The following ZBTB20 variants were observed in gnomAD, a reference collection of about 807,000 sequenced individuals.
ZBTB20 encodes zinc finger and BTB domain containing 20.
ZBTB20 carries 9 observed loss-of-function variants against 56.9 expected under a neutral mutation model. That is an observed-to-expected ratio of 0.16 (90% CI 0.10 to 0.28). The LOEUF (loss-of-function observed/expected upper bound fraction) is 0.28. Among genes scored for constraint, ZBTB20 ranks in the 10% least tolerant of loss-of-function variants. The pLI, the probability that ZBTB20 is intolerant of heterozygous loss-of-function variation, is 1.00. For missense variants in ZBTB20, 655 were observed against 1,003.0 expected (o/e 0.65, Z 4.69); for synonymous variants, 417 against 420.7 (o/e 0.99, Z 0.11).
intron 2 of ZBTB20, among the ~76,000 whole-genome samples, chr3:114,992,202 A>C (rs551172320): frequency 6.6e-6 from 1 of 152,134 alleles, no homozygotes; most frequent in Admixed American, 6.6e-5. Flanking sequence ...ACATATGATT[A>C]TTGATGTGAA....
intron 6 of ZBTB20, among the ~76,000 whole-genome samples, chr3:114,598,754 C>T (rs748605855): frequency 2.6e-5 from 4 of 151,812 alleles, no homozygotes; most frequent in Non-Finnish European, 4.4e-5. Flanking sequence ...TATTTCAAAA[C>T]GGAAGCATCT....
chr3:115,036,745 C>A (rs1391048591), intron 2 of ZBTB20, among the ~76,000 whole-genome samples: 5 of 152,020 alleles, frequency 3.3e-5, no homozygotes, highest in Admixed American at 1.3e-4. Context: ...ACCTGCCCCA[C>A]CCCAAAAATA....
intron 10 of ZBTB20, chr3:114,356,155 C>G (rs1027992879): frequency 6.6e-6 from 1 of 152,110 alleles, no homozygotes; most frequent in African/African-American, 2.4e-5. Context: ...TCTGCGAGAG[C>G]ACAACACAGA....
chr3:114,775,808 C>A (rs1467896298), intron 5 of ZBTB20, among the ~76,000 whole-genome samples: 1 of 152,186 alleles, frequency 6.6e-6, no homozygotes, highest in African/African-American at 2.4e-5. Flanking sequence ...ATTCTTCTTG[C>A]CTTAGGCACA....
At chr3:114,407,885 G>A (rs569970628) in intron 7 of ZBTB20, among the ~76,000 whole-genome samples, 3 of 149,638 alleles carry the variant, frequency 2.0e-5, no homozygotes, top group African/African-American at 7.5e-5. Context: ...GAGGAAGGAT[G>A]GGGGAAACCA....
chr3:114,584,339 A>G (rs2054956325), intron 6 of ZBTB20, among the ~76,000 whole-genome samples: 1 of 152,178 alleles, frequency 6.6e-6, no homozygotes. Flanking sequence ...TTGCCATTTA[A>G]GTTCTACTAA....
At chr3:114,737,000 C>A (rs912629495) in intron 5 of ZBTB20, among the ~76,000 whole-genome samples, 1 of 152,150 alleles carries the variant, frequency 6.6e-6, no homozygotes, top group Non-Finnish European at 1.5e-5. Flanking sequence ...GTATAACCTG[C>A]ACTGAGGGGA....
At chr3:114,855,965 G>A (rs1400163563) in intron 4 of ZBTB20, among the ~76,000 whole-genome samples, 1 of 152,142 alleles carries the variant, frequency 6.6e-6, no homozygotes, top group Non-Finnish European at 1.5e-5. Context: ...GACCTTCCTA[G>A]CATTATTTTA....
intron 7 of ZBTB20, among the ~76,000 whole-genome samples, chr3:114,438,436 C>CAAAAAAAAACAAA (rs2090681751): frequency 1.4e-5 from 2 of 140,680 alleles, no homozygotes; most frequent in African/African-American, 5.2e-5. Flanking sequence ...CAAAAAAAAC[C>CAAAAAAAAACAAA]AAAAAAAAAC....
In ZBTB20 at chr3:114,334,539, T is replaced by A. The variant is rs903599844; in HGVS notation, c.*4466A>T. 6.6e-6 allele frequency: 1 copy of A among 152,222 alleles called. No homozygotes were observed. The highest frequency in any genetic ancestry group is 2.1e-4 in the South Asian group (1 of 4,828). 9.4% of individuals were successfully genotyped at this position (152,222 alleles called of 1,614,324 possible). ...CAAACATACCTGGAGGAAAACTTTT[T>A]TCATTATCAGAATTCACAAATTCTT... On this transcript the variant is annotated 3_prime_UTR_variant, in exon 12 of 12. Transcript: ENST00000675478.
At chr3:114,692,590 T>C (rs979587389) in intron 6 of ZBTB20, among the ~76,000 whole-genome samples, 1 of 152,262 alleles carries the variant, frequency 6.6e-6, no homozygotes, top group Non-Finnish European at 1.5e-5. Flanking sequence ...AGAACACAGT[T>C]AGATGCCAGG....
chr3:114,870,207 T>TA, intron 4 of ZBTB20, among the ~76,000 whole-genome samples: 1 of 152,234 alleles, frequency 6.6e-6, no homozygotes, highest in Non-Finnish European at 1.5e-5. Flanking sequence ...ATTGGCTACC[T>TA]AATCCCCAAA....
chr3:115,103,669 C>T (rs534320028), intron 1 of ZBTB20, among the ~76,000 whole-genome samples: 10 of 152,276 alleles, frequency 6.6e-5, no homozygotes, highest in South Asian at 6.2e-4. Flanking sequence ...TAAATCCAGA[C>T]GCAGACTTTA....
chr3:115,110,461 CAT>C (rs1173463055), intron 1 of ZBTB20, among the ~76,000 whole-genome samples: 2 of 152,182 alleles, frequency 1.3e-5, no homozygotes, highest in Non-Finnish European at 2.9e-5. Flanking sequence ...GTTTTTATAA[CAT>C]AATCTACATA....
At chr3:114,820,903 G>T (rs6791953) in intron 4 of ZBTB20, among the ~76,000 whole-genome samples, 3 of 151,854 alleles carry the variant, frequency 2.0e-5, no homozygotes, top group African/African-American at 7.3e-5. Flanking sequence ...TACCTACATT[G>T]CTAATATTAA....
chr3:114,593,919 CCAGA>C (rs1177694272), intron 6 of ZBTB20, among the ~76,000 whole-genome samples: 24 of 152,264 alleles, frequency 1.6e-4, no homozygotes, highest in African/African-American at 4.6e-4. Context: ...TGATTTCCTG[CCAGA>C]CAGTCAGACA....
At chr3:114,708,161 A>G (rs1344004439) in intron 5 of ZBTB20, among the ~76,000 whole-genome samples, 1 of 152,224 alleles carries the variant, frequency 6.6e-6, no homozygotes. Context: ...GTCAATTTAT[A>G]TTCTGTAAAC....
At chr3:114,353,890 G>A (rs762934495) in intron 10 of ZBTB20, among the ~76,000 whole-genome samples, 38 of 152,312 alleles carry the variant, frequency 2.5e-4, no homozygotes, top group African/African-American at 7.9e-4. Flanking sequence ...AGTACACACA[G>A]GCAATTGCTG....
chr3:115,106,953 C>G (rs1189164141), intron 1 of ZBTB20, among the ~76,000 whole-genome samples: 1 of 152,036 alleles, frequency 6.6e-6, no homozygotes, highest in African/African-American at 2.4e-5. Flanking sequence ...GTTTATAAAC[C>G]TTGGTTAATT....
Sources: allele counts gnomAD v4.1 joint callset (sites outside exome capture counted in the v4.1 genomes callset), GRCh38; gene constraint gnomAD v4.1.1; transcripts MANE v1.5; gene names NCBI Gene and HGNC (gene_info 2026-07-23, HGNC 2026-07-21).